The following USP46 variants were observed in gnomAD, a reference collection of about 807,000 sequenced individuals.
USP46 encodes the protein ubiquitin specific peptidase 46, also known as ubiquitin carboxyl-terminal hydrolase 46.
Under a neutral mutation model 44.4 loss-of-function variants are expected in USP46, and 12 were observed. The ratio of observed to expected loss-of-function variants is 0.27; its 90% confidence interval spans 0.17 to 0.44. The LOEUF (loss-of-function observed/expected upper bound fraction) is 0.44. Among genes scored for constraint, USP46 ranks in the 20% least tolerant of loss-of-function variants. The pLI, the probability that USP46 is intolerant of heterozygous loss-of-function variation, is 1.00. For synonymous variants in USP46, 155 were observed against 161.5 expected, an observed-to-expected ratio of 0.96 and a Z score of 0.31; for missense variants, 248 against 444.8, an observed-to-expected ratio of 0.56 and a Z score of 3.98.
rs904775302 is a variant in USP46 at position 52,628,062 on chromosome 4, C to T, written c.219G>A (p.Lys73=). 6.2e-7 allele frequency: 1 copy of T among 1,613,970 alleles called. No individual in the cohort carries two copies. The highest frequency in any genetic ancestry group is 8.5e-7 in the Non-Finnish European group (1 of 1,179,870). The part of the protein sequence containing the change: ...VLAYKAQQKK[K]ENLLTCLADL... ...CCGCCAGGCACGTCAGCAAGTTTTC[C>T]TTCTTCTTTTGCTGGGCCTTGTATG... Residue 73 remains lysine, a synonymous_variant, in exon 3 of 9, where the codon AAG becomes AAA. Transcript: ENST00000441222.
At chr4:52,614,835 AT>A (rs1717060495) in intron 4 of USP46, among the ~76,000 whole-genome samples, 1 of 152,228 alleles carries the variant, frequency 6.6e-6, no homozygotes, top group Non-Finnish European at 1.5e-5. Context: ...AATGTAATAT[AT>A]ATAACAACTA....
intron 1 of USP46, among the ~76,000 whole-genome samples, chr4:52,635,441 G>C (rs1428553473): frequency 1.3e-5 from 2 of 152,070 alleles, no homozygotes; most frequent in African/African-American, 4.8e-5. Flanking sequence ...CACATTTCAG[G>C]GTTTCTCCAG....
chr4:52,627,285 G>A (rs1717631717), intron 3 of USP46, among the ~76,000 whole-genome samples: 1 of 152,176 alleles, frequency 6.6e-6, no homozygotes, highest in African/African-American at 2.4e-5. Flanking sequence ...GATTAACCAT[G>A]CACGTCTGAT....
chr4:52,598,402 A>G (rs1716327881), intron 8 of USP46, among the ~76,000 whole-genome samples: 1 of 152,222 alleles, frequency 6.6e-6, no homozygotes, highest in Non-Finnish European at 1.5e-5. Context: ...TCCCATGTCT[A>G]TGGATGAACC....
chr4:52,642,404 T>C (rs896575143), intron 1 of USP46, among the ~76,000 whole-genome samples: 4 of 152,182 alleles, frequency 2.6e-5, no homozygotes, highest in Admixed American at 6.5e-5. Flanking sequence ...AGTACTGGAA[T>C]TGGGTTTGAA....
Position 52,597,710 on chromosome 4 carries a change from T to C in USP46, c.1031A>G (p.Tyr344Cys). 1 of 1,603,454 alleles carries C rather than the reference T, an allele frequency of 6.2e-7. No homozygotes were observed. Among genetic ancestry groups the C allele is most frequent in the South Asian group, 1.1e-5 (1 of 88,716 alleles). Residue 344 changes from tyrosine to cysteine, a missense_variant, in exon 9 of 9, where the codon TAT becomes TGT. Tyr to Cys is a radical substitution (Grantham distance 194). Coordinates refer to ENST00000441222, the MANE Select transcript of USP46 (RefSeq NM_022832.4). ...KIDAQAIEEFYGLTSDISKNS... is the reference protein window; with the variant it reads ...KIDAQAIEEFCGLTSDISKNS... ...TTTTGATATATCTGACGTCAGGCCA[T>C]AGAATTCTTCAATAGCTTGAGCATC...
intron 1 of USP46, among the ~76,000 whole-genome samples, chr4:52,632,990 AAAAG>A (rs71195120): frequency 0.012 from 819 of 66,214 alleles, 28 homozygotes; most frequent in East Asian, 0.035. Flanking sequence ...GAAAGAAAAG[AAAAG>A]AAAGAAAGAA....
In USP46 at chr4:52,602,018, C is replaced by A; in HGVS notation, c.759G>T (p.Leu253=). ...RVKKLPMILA[L]HLKRFKYMEQ... ...CCATGTACTTGAACCGCTTTAGGTG[C>A]AGGGCCAAGATCATGGGCAGCTTTT... is the stretch of plus-strand genomic sequence containing the variant. Residue 253 remains leucine (L), a synonymous_variant, in exon 7 of 9, where the codon CTG becomes CTT. Transcript: ENST00000441222. 1 of 1,613,616 alleles carries A rather than the reference C, an allele frequency of 6.2e-7. No individual in the cohort carries two copies. Among genetic ancestry groups the A allele is most frequent in the Non-Finnish European group, 8.5e-7 (1 of 1,179,736 alleles).
intron 1 of USP46, among the ~76,000 whole-genome samples, chr4:52,642,759 A>C (rs1718394274): frequency 6.6e-6 from 1 of 152,242 alleles, no homozygotes; most frequent in Non-Finnish European, 1.5e-5. Flanking sequence ...ATCTAGCCAA[A>C]GAATAAAAAC....
Position 52,627,504 on chromosome 4 carries a change from T to G in USP46, c.331+446A>C, listed in dbSNP as rs138824829. The stretch of plus-strand genomic sequence containing the variant: ...ATATCCTTCAATTACCTCAGGCAAA[T>G]GAAAATCAGAGGTATTGTATTTAAA... On this transcript the variant is annotated intron_variant, in intron 3 of 8. Transcript: ENST00000441222. 7.6e-3 allele frequency among the ~76,000 whole-genome samples: 1,161 copies of G among 152,298 alleles called. 19 individuals are homozygous for G. Among genetic ancestry groups the G allele is most frequent in the African/African-American group, 0.027 (1,104 of 41,580 alleles).
intron 1 of USP46, among the ~76,000 whole-genome samples, chr4:52,638,969 C>A (rs1344903917): frequency 6.6e-6 from 1 of 152,190 alleles, no homozygotes; most frequent in Non-Finnish European, 1.5e-5. Context: ...TCCATGGATA[C>A]AGAATGTCAC....
chr4:52,592,801 T>C lies in USP46; in HGVS notation c.*4839A>G. The C allele has an allele frequency of 2.5e-6, 1 of 398,050 alleles. No individual in the cohort carries two copies. Among genetic ancestry groups the C allele is most frequent in the Non-Finnish European group, 4.4e-6 (1 of 226,066 alleles). 24.7% of individuals were successfully genotyped at this position (398,050 alleles called of 1,614,324 possible). ...TTGCAGTGAGCTGAGATCTCATCAC[T>C]GCACTCCAGCCTGGGTGACAGTGAG... On this transcript the variant is annotated 3_prime_UTR_variant, in exon 9 of 9. Coordinates refer to ENST00000441222, the MANE Select transcript of USP46 (RefSeq NM_022832.4).
chr4:52,631,031 A>G (rs777535535), intron 2 of USP46, 33 bp downstream of exon 2: 1 of 1,534,312 alleles, frequency 6.5e-7, no homozygotes, highest in Non-Finnish European at 8.8e-7. Context: ...ACCCTAAAAC[A>G]TTTGATGAAA....
chr4:52,639,863 T>C (rs1234227400), intron 1 of USP46, among the ~76,000 whole-genome samples: 8 of 145,088 alleles, frequency 5.5e-5, no homozygotes, highest in African/African-American at 2.1e-4. Context: ...TGCCTGGGTT[T>C]TTTTTTTTTT....
intron 5 of USP46, among the ~76,000 whole-genome samples, chr4:52,610,204 G>A (rs991387495): frequency 3.9e-5 from 6 of 151,954 alleles, no homozygotes; most frequent in Non-Finnish European, 5.9e-5. Flanking sequence ...GATTACAGGC[G>A]TGAGCCACCG....
Position 52,626,109 on chromosome 4 carries a change from G to C in USP46, c.470C>G (p.Pro157Arg). The C allele has an allele frequency of 6.2e-7, 1 of 1,613,796 alleles. No homozygotes were observed. The highest frequency in any genetic ancestry group is 8.5e-7 in the Non-Finnish European group (1 of 1,179,844). ...GAGTTCTGGTTTATTATTTTCCGCAGGTTCGTTCATGTTGCCATTTTTTAA... is the reference window on the plus strand; with the variant it reads ...GAGTTCTGGTTTATTATTTTCCGCACGTTCGTTCATGTTGCCATTTTTTAA... ...GKLKNGNMNE[P>R]AENNKPELTW... The change falls in exon 4 of 9, where the codon CCT becomes CGT. Residue 157 changes from proline to arginine, a missense_variant. Physicochemically the swap from Pro to Arg is moderately radical, Grantham distance 103. Transcript: ENST00000441222.
intron 3 of USP46, 24 bp downstream of exon 3, chr4:52,627,926 T>C: frequency 1.9e-6 from 3 of 1,597,362 alleles, no homozygotes; most frequent in Non-Finnish European, 2.6e-6. Flanking sequence ...GAGGCTTAAA[T>C]ACATTATACT....
chr4:52,603,682 CT>C (rs1560391659), intron 6 of USP46, among the ~76,000 whole-genome samples: 1 of 151,958 alleles, frequency 6.6e-6, no homozygotes, highest in Admixed American at 6.6e-5. Flanking sequence ...ATCACCTGTT[CT>C]TTTTCTTTTT....
chr4:52,648,178 T>C (rs950843336), intron 1 of USP46, among the ~76,000 whole-genome samples: 1 of 152,178 alleles, frequency 6.6e-6, no homozygotes, highest in Non-Finnish European at 1.5e-5. Flanking sequence ...ATGTGCTCAC[T>C]TGCCTCCCAA....
Sources: allele counts gnomAD v4.1 joint callset (sites outside exome capture counted in the v4.1 genomes callset), GRCh38; gene constraint gnomAD v4.1.1; transcripts MANE v1.5; gene names NCBI Gene and HGNC (gene_info 2026-07-23, HGNC 2026-07-21).